Variants in CRAMP1 observed in about 807,000 individuals in gnomAD.
CRAMP1 encodes the protein protein cramped-like.
CRAMP1 carries 50 observed loss-of-function variants against 115.4 expected under a neutral mutation model. That is an observed-to-expected ratio of 0.43 (90% CI 0.35 to 0.55). The LOEUF is 0.55. Ranked by LOEUF, CRAMP1 falls within the 20% of genes least tolerant of loss-of-function variation. The pLI is 0.01. For missense variants in CRAMP1, 1,679 were observed against 1,721.7 expected (o/e 0.98, Z 0.44); for synonymous variants, 866 against 745.4 (o/e 1.16, Z -2.64).
chr16:1,650,391 C>T (rs1359459849), intron 6 of CRAMP1, among the ~76,000 whole-genome samples: 1 of 152,224 alleles, frequency 6.6e-6, no homozygotes, highest in African/African-American at 2.4e-5. Flanking sequence ...CTCTTGTTCA[C>T]ATTTTGATCT....
rs1224932374 is a variant in CRAMP1, at chr16:1,626,292, T to G, written c.540+126T>G. The G allele has an allele frequency of 2.4e-5, 20 of 845,168 alleles. No individual in the cohort carries two copies. The African/African-American group carries it at 4.1e-4, about 17-fold the overall frequency. 52.4% of individuals were successfully genotyped at this position (845,168 alleles called of 1,614,324 possible). ...GCAGATTCCTGGGCGACCCCCGCAG[T>G]GGCGGAGGCTGATGTGGGCTCTAGC... On this transcript the variant is annotated intron_variant, in intron 3 of 20. Transcript: ENST00000397412.
chr16:1,659,260 G>A (rs918298435), intron 10 of CRAMP1, among the ~76,000 whole-genome samples: 1 of 152,256 alleles, frequency 6.6e-6, no homozygotes, highest in African/African-American at 2.4e-5. Flanking sequence ...CCTGCAGCCT[G>A]TGCTGGCACT....
chr16:1,641,301 A>T, intron 6 of CRAMP1, 114 bp downstream of exon 6: 1 of 782,130 alleles, frequency 1.3e-6, no homozygotes, highest in Non-Finnish European at 2.2e-6. Context: ...AAACTTCATA[A>T]CCTCTCAGTT....
At chr16:1,653,185 T>C in intron 8 of CRAMP1, 29 bp downstream of exon 8, 1 of 1,596,730 alleles carries the variant, frequency 6.3e-7, no homozygotes, top group Non-Finnish European at 8.5e-7. Context: ...CGCAGAGGGG[T>C]CCCAACTGCT....
At chr16:1,673,075 C>T (rs1368063274) in intron 20 of CRAMP1, among the ~76,000 whole-genome samples, 6 of 151,812 alleles carry the variant, frequency 4.0e-5, no homozygotes, top group Admixed American at 1.3e-4. Context: ...GTGCCCTCCA[C>T]CTGTCCTCAT....
At chr16:1,667,490 C>T in intron 17 of CRAMP1, 90 bp downstream of exon 17, 1 of 1,003,798 alleles carries the variant, frequency 1.0e-6, no homozygotes, top group Non-Finnish European at 1.5e-6. Context: ...TTGGAGTGGC[C>T]CGGCTTCTCT....
chr16:1,655,759 A>T, intron 9 of CRAMP1, 118 bp from the exon 10 acceptor site: 1 of 1,175,066 alleles, frequency 8.5e-7, no homozygotes, highest in South Asian at 1.5e-5. Context: ...GGGTGGTGGC[A>T]TGATTTATAC....
intron 10 of CRAMP1, among the ~76,000 whole-genome samples, chr16:1,659,414 G>A (rs528307511): frequency 2.6e-5 from 4 of 151,038 alleles, no homozygotes; most frequent in Admixed American, 6.6e-5. Flanking sequence ...TTTTTGAGAC[G>A]GAATCTTGCT....
rs777747793 is a variant in CRAMP1, at chr16:1,653,113, G to T, written c.994G>T (p.Ala332Ser). 6.2e-7 allele frequency: 1 copy of T among 1,611,556 alleles called. No homozygotes were observed. The highest frequency in any genetic ancestry group is 1.3e-5 in the African/African-American group (1 of 75,000). Residue 332 changes from alanine (A) to serine (S), a missense_variant, in exon 8 of 21, where the codon GCC (alanine) becomes TCC (serine). Ala to Ser is a moderately conservative substitution (Grantham distance 99, BLOSUM62 1). Around this residue, in one of 8 missense-constraint regions of CRAMP1, gnomAD observed 191 missense variants for 236.2 expected, o/e 0.81. Coordinates refer to ENST00000397412, the MANE Select transcript of CRAMP1 (RefSeq NM_020825.4). ...AGAGCTACAGCCGCGGAACAACCAC[G>T]CCTGGGCCCGTGTGCAGAGCCTTGC... ...PIELQPRNNH[A>S]WARVQSLAQN...
In CRAMP1 at chr16:1,673,941, T is replaced by A; in HGVS notation, c.3706T>A (p.Phe1236Ile). The A allele has an allele frequency of 6.2e-7, 1 of 1,613,714 alleles. No homozygotes were observed. Among genetic ancestry groups the A allele is most frequent in the Non-Finnish European group, 8.5e-7 (1 of 1,179,842 alleles). The change falls in exon 21 of 21, where the codon TTC becomes ATC. Residue 1236 changes from phenylalanine to isoleucine, a missense_variant. Transcript: ENST00000397412. ...NENSIDYISR[F>I]NDLAQELSIA... ...AAACAGCATTGATTACATTTCTCGGTTCAATGACCTGGCCCAAGAGCTGTC... is the reference window on the plus strand; with the variant it reads ...AAACAGCATTGATTACATTTCTCGGATCAATGACCTGGCCCAAGAGCTGTC...
At chr16:1,639,584 G>T (rs540533176) in intron 5 of CRAMP1, among the ~76,000 whole-genome samples, 1 of 152,274 alleles carries the variant, frequency 6.6e-6, no homozygotes, top group African/African-American at 2.4e-5. Flanking sequence ...TGCAAAGGAA[G>T]ACTTGGCCCC....
intron 4 of CRAMP1, among the ~76,000 whole-genome samples, chr16:1,635,844 C>T (rs1456418928): frequency 6.6e-6 from 1 of 152,208 alleles, no homozygotes; most frequent in Non-Finnish European, 1.5e-5. Context: ...TTACTACCTC[C>T]TGTCTCTATG....
Position 1,672,468 on chromosome 16 carries a change from C to T in CRAMP1, c.3646-1413C>T, listed in dbSNP as rs1200380803. Among the ~76,000 whole-genome samples the T allele has an allele frequency of 2.3e-5, 3 of 132,688 alleles. No individual in the cohort carries two copies. Among genetic ancestry groups the T allele is most frequent in the African/African-American group, 5.6e-5 (2 of 35,824 alleles). The allele number at this position is 132,688 out of a possible 152,430, so 87.0% of individuals were successfully genotyped here. A position where few individuals can be genotyped will look rare whatever the true frequency, so the allele number is the denominator to read the frequency against. On this transcript the variant is annotated intron_variant, in intron 20 of 20. Coordinates refer to ENST00000397412, the MANE Select transcript of CRAMP1 (RefSeq NM_020825.4). This position sits in a 1 kb window ranked among gnomAD's most constrained non-coding sequence, Gnocchi z 4.9. ...GGTGGTAGGGCTAGCATGAAGGGGG[C>T]GGGGGTGGAGCTGGGTGGCCCTGGG...
At position 1,614,943 on chromosome 16, in the gene CRAMP1, G is replaced by A. The variant is rs2036404975; in HGVS notation, c.304G>A (p.Val102Met). Residue 102 changes from valine (V) to methionine (M), a missense_variant, in exon 2 of 21, where the codon GTG (valine) becomes ATG (methionine). By Grantham distance (21) the Val-to-Met change is conservative. This residue lies in a region of CRAMP1 where 264 missense variants were observed against 229.7 expected (regional missense o/e 1.15). Transcript: ENST00000397412. This position sits in a 1 kb window ranked among gnomAD's most constrained non-coding sequence, Gnocchi z 4.4. ...KRPRKDPPSA[V>M]GSGNAGGSGP... ...GCCCAGGAAGGATCCTCCGAGCGCT[G>A]TGGGGAGCGGCAACGCCGGTGGCTC... 2.4e-6 allele frequency: 3 copies of A among 1,269,942 alleles called. No homozygotes were observed. In the African/African-American group the frequency reaches 4.6e-5, roughly 20 times the overall value. 78.7% of individuals were successfully genotyped at this position (1,269,942 alleles called of 1,614,324 possible).
At chr16:1,648,529 C>T (rs892114463) in intron 6 of CRAMP1, among the ~76,000 whole-genome samples, 2 of 150,934 alleles carry the variant, frequency 1.3e-5, no homozygotes, top group African/African-American at 2.4e-5. Flanking sequence ...CACTTGAGCC[C>T]AGGAGGTGGA....
At position 1,636,649 on chromosome 16, in the gene CRAMP1, G is replaced by A. The variant is rs182953027; in HGVS notation, c.695-1175G>A. 8.5e-5 allele frequency among the ~76,000 whole-genome samples: 13 copies of A among 152,364 alleles called. No individual in the cohort carries two copies. The East Asian group carries it at 2.5e-3, about 29-fold the overall frequency. Reference sequence around the variant, plus strand: ...CTGCTCTGTGAAGTGACCCAAAGGGGCCTGGACTGTGTTGTCACTTGGTTT... The same window carrying A: ...CTGCTCTGTGAAGTGACCCAAAGGGACCTGGACTGTGTTGTCACTTGGTTT... On this transcript the variant is annotated intron_variant, in intron 4 of 20. Coordinates refer to ENST00000397412, the MANE Select transcript of CRAMP1 (RefSeq NM_020825.4).
intron 19 of CRAMP1, chr16:1,670,336 A>T: frequency 4.0e-6 from 1 of 247,712 alleles, no homozygotes. Flanking sequence ...GGGGGTGGGG[A>T]TGGCAGTGAG....
At chr16:1,654,560 C>A (rs547398796) in intron 8 of CRAMP1, among the ~76,000 whole-genome samples, 1 of 152,202 alleles carries the variant, frequency 6.6e-6, no homozygotes, top group Non-Finnish European at 1.5e-5. Flanking sequence ...AACACGATCA[C>A]ATTGTTCTGT....
chr16:1,624,042 A>C (rs1411690274), intron 2 of CRAMP1, among the ~76,000 whole-genome samples: 1 of 152,090 alleles, frequency 6.6e-6, no homozygotes, highest in African/African-American at 2.4e-5. Flanking sequence ...CTGGACATTC[A>C]GGTGCAGCAC....
Sources: gnomAD v4.1 joint callset for allele counts (sites outside exome capture counted in the v4.1 genomes callset) on GRCh38, gnomAD v4.1.1 for gene constraint, gnomAD v4.1.1 regional missense constraint, Gnocchi (gnomAD v3.1) non-coding constraint, MANE v1.5 for transcripts, NCBI Gene and HGNC (gene_info 2026-07-23, HGNC 2026-07-21) for gene names.